The following AFAP1L2 variants were observed in gnomAD, a reference collection of about 807,000 sequenced individuals.
AFAP1L2 encodes actin filament-associated protein 1-like 2.
AFAP1L2 carries 46 observed loss-of-function variants against 99.3 expected under a neutral mutation model. The observed-to-expected ratio is 0.46, with a 90% CI of 0.37 to 0.59. AFAP1L2 has a LOEUF of 0.59. Among genes scored for constraint, AFAP1L2 ranks in the 20% least tolerant of loss-of-function variants. The pLI is 0.00. For missense variants in AFAP1L2, 959 were observed against 1,034.9 expected (o/e 0.93, Z 1.01); for synonymous variants, 397 against 419.1 (o/e 0.95, Z 0.64).
chr10:114,284,170 C>G, the AFAP1L2 span, among the ~76,000 whole-genome samples: 1 of 152,244 alleles, frequency 6.6e-6, no homozygotes, highest in Non-Finnish European at 1.5e-5. Context: ...TTGACACAGG[C>G]TGTGGTTTCC....
the AFAP1L2 span, chr10:114,282,415 T>G: frequency 1.1e-6 from 1 of 944,150 alleles, no homozygotes; most frequent in Non-Finnish European, 1.7e-6. Flanking sequence ...ACTTCTGCAT[T>G]GGAATCTTCT....
intron 1 of AFAP1L2, among the ~76,000 whole-genome samples, chr10:114,360,526 T>TAGAG (rs2052187549): frequency 6.7e-6 from 1 of 150,066 alleles, no homozygotes; most frequent in Non-Finnish European, 1.5e-5. Flanking sequence ...GATAGATAGA[T>TAGAG]AGATAGATAG....
intron 1 of AFAP1L2, among the ~76,000 whole-genome samples, chr10:114,348,639 G>GCACCTC (rs1309358326): frequency 6.6e-6 from 1 of 152,226 alleles, no homozygotes; most frequent in Non-Finnish European, 1.5e-5. Context: ...GACTTTACAG[G>GCACCTC]ACGTGCTCTA....
At chr10:114,345,096 CAA>C (rs546367453) in intron 1 of AFAP1L2, among the ~76,000 whole-genome samples, 39 of 78,428 alleles carry the variant, frequency 5.0e-4, no homozygotes, top group Non-Finnish European at 3.7e-4. Flanking sequence ...GACTCCATCT[CAA>C]AAAAAAAAAA....
In AFAP1L2 at chr10:114,357,844, C is replaced by T. The variant is rs370830277; in HGVS notation, c.17-17113G>A. On this transcript the variant is annotated intron_variant, in intron 1 of 18. Coordinates refer to ENST00000304129, the MANE Select transcript of AFAP1L2 (RefSeq NM_001001936.3). ...CAATCAGCTCCTGTCCTTCCAACCACGGTTATTTTCCATTCCCTCACAGGG... is the reference window on the plus strand; with the variant it reads ...CAATCAGCTCCTGTCCTTCCAACCATGGTTATTTTCCATTCCCTCACAGGG... 2.4e-4 allele frequency among the ~76,000 whole-genome samples: 37 copies of T among 152,340 alleles called. 1 individual carries two copies. The highest frequency in any genetic ancestry group is 6.5e-4 in the Admixed American group (10 of 15,306).
At chr10:114,306,460 C>T (rs1011952687) in intron 10 of AFAP1L2, among the ~76,000 whole-genome samples, 2 of 148,012 alleles carry the variant, frequency 1.4e-5, no homozygotes, top group Non-Finnish European at 3.0e-5. Flanking sequence ...CAGAACCCAT[C>T]AGACACCTTC....
intron 1 of AFAP1L2, chr10:114,362,957 A>G: frequency 1.0e-6 from 1 of 985,380 alleles, no homozygotes; most frequent in Non-Finnish European, 1.2e-6. Flanking sequence ...CGAAAAGCTG[A>G]CGCACAGTGG....
chr10:114,345,345 G>T (rs2049391745), intron 1 of AFAP1L2, among the ~76,000 whole-genome samples: 1 of 151,786 alleles, frequency 6.6e-6, no homozygotes, highest in Non-Finnish European at 1.5e-5. Context: ...ATTCTGCAGG[G>T]TCATGCAAGG....
chr10:114,295,092 G>A lies in AFAP1L2; in HGVS notation c.*950C>T. ...AGGAACAGCACTGCCAATTTTAAGA[G>A]GGCGATCACCCTAACCAAAAATCAC... On this transcript the variant is annotated 3_prime_UTR_variant, in exon 19 of 19. Coordinates refer to ENST00000304129, the MANE Select transcript of AFAP1L2 (RefSeq NM_001001936.3). 1 of 984,096 alleles carries A rather than the reference G, an allele frequency of 1.0e-6. No individual in the cohort carries two copies. The highest frequency in any genetic ancestry group is 1.2e-6 in the Non-Finnish European group (1 of 829,710). 61.0% of individuals were successfully genotyped at this position (984,096 alleles called of 1,614,324 possible).
At chr10:114,285,448 A>G in the AFAP1L2 span, among the ~76,000 whole-genome samples, 1 of 152,272 alleles carries the variant, frequency 6.6e-6, no homozygotes, top group African/African-American at 2.4e-5. Context: ...CTTGACGCAT[A>G]TAAGGGCTTG....
At chr10:114,343,136 C>T (rs139483930) in intron 1 of AFAP1L2, among the ~76,000 whole-genome samples, 29 of 152,328 alleles carry the variant, frequency 1.9e-4, no homozygotes, top group African/African-American at 6.5e-4. Context: ...AATACTGGAA[C>T]AGATGGGATT....
chr10:114,284,866 C>T, the AFAP1L2 span: 2 of 1,607,722 alleles, frequency 1.2e-6, no homozygotes, highest in South Asian at 1.1e-5. Context: ...CTGATAGGCC[C>T]CTGTGACTCG....
At chr10:114,306,553 G>A (rs184033478) in intron 10 of AFAP1L2, among the ~76,000 whole-genome samples, 2 of 152,128 alleles carry the variant, frequency 1.3e-5, no homozygotes, top group Admixed American at 1.3e-4. Context: ...CTACCTTCCT[G>A]CCTGGCCCAG....
Position 114,295,147 on chromosome 10 carries a change from T to TAAAC in AFAP1L2, c.*891_*894dup. 2 of 985,614 alleles carry TAAAC rather than the reference T, an allele frequency of 2.0e-6. No individual in the cohort carries two copies. Among genetic ancestry groups the TAAAC allele is most frequent in the Non-Finnish European group, 2.4e-6 (2 of 829,836 alleles). The allele number at this position is 985,614 out of a possible 1,614,324, so 61.1% of individuals were successfully genotyped here. A position where few individuals can be genotyped will look rare whatever the true frequency, so the allele number is the denominator to read the frequency against. ...TTGTTCTTGGAAGGAGAATGAACAT[T>TAAAC]AAACAGAACTTAAAATCAGAGACTA... On this transcript the variant is annotated 3_prime_UTR_variant, in exon 19 of 19. Coordinates refer to ENST00000304129, the MANE Select transcript of AFAP1L2 (RefSeq NM_001001936.3).
downstream of AFAP1L2, chr10:114,290,172 T>G (rs2039426077): frequency 1.3e-6 from 2 of 1,530,922 alleles, no homozygotes; most frequent in African/African-American, 2.8e-5. Flanking sequence ...TGGGCTTACT[T>G]AGGGTAGGGG....
chr10:114,379,062 A>C (rs1347563867), intron 1 of AFAP1L2, among the ~76,000 whole-genome samples: 1 of 151,658 alleles, frequency 6.6e-6, no homozygotes, highest in Non-Finnish European at 1.5e-5. Flanking sequence ...AATACAAAAA[A>C]ATTAGCCAGG....
intron 5 of AFAP1L2, among the ~76,000 whole-genome samples, chr10:114,317,744 A>G (rs1439477719): frequency 6.6e-6 from 1 of 152,214 alleles, no homozygotes; most frequent in Non-Finnish European, 1.5e-5. Flanking sequence ...CTGTAGTCCC[A>G]GCTACTTGGG....
At chr10:114,311,633 T>C (rs1334611756) in intron 7 of AFAP1L2, among the ~76,000 whole-genome samples, 1 of 152,208 alleles carries the variant, frequency 6.6e-6, no homozygotes, top group Non-Finnish European at 1.5e-5. Context: ...GGCAGGCACA[T>C]GGATTACCAT....
intron 1 of AFAP1L2, chr10:114,393,378 G>C (rs533796172): frequency 6.6e-6 from 1 of 152,318 alleles, no homozygotes; most frequent in East Asian, 1.9e-4. Flanking sequence ...GTGAGCCCCT[G>C]TTCTCACACA....
Sources: allele counts gnomAD v4.1 joint callset (sites outside exome capture counted in the v4.1 genomes callset), GRCh38; gene constraint gnomAD v4.1.1; transcripts MANE v1.5; gene names NCBI Gene and HGNC (gene_info 2026-07-23, HGNC 2026-07-21).